NTN1: variants seen among roughly 807,000 people sequenced by gnomAD.
NTN1 encodes netrin 1, also known as netrin-1.
In NTN1, 11 loss-of-function variants were observed where a neutral mutation model predicts 54.2. The ratio of observed to expected loss-of-function variants is 0.20; its 90% CI spans 0.13 to 0.34. NTN1 has a LOEUF of 0.34. Ranked by LOEUF, NTN1 falls within the 10% of genes least tolerant of loss-of-function variation. NTN1 has a pLI of 1.00. For missense variants in NTN1, 740 were observed against 893.1 expected (o/e 0.83, Z 2.18); for synonymous variants, 371 against 382.0 (o/e 0.97, Z 0.33).
intron 2 of NTN1, among the ~76,000 whole-genome samples, chr17:9,040,612 T>A (rs8076457): frequency 1.3e-5 from 2 of 152,004 alleles, no homozygotes; most frequent in Non-Finnish European, 2.9e-5. Context: ...TTGGATAGAA[T>A]GTCAAAGTAA....
At chr17:9,214,594 A>G (rs1905176865) in intron 5 of NTN1, among the ~76,000 whole-genome samples, 3 of 152,198 alleles carry the variant, frequency 2.0e-5, no homozygotes, top group Non-Finnish European at 2.9e-5. Flanking sequence ...AGGCCGAGGC[A>G]GGCGGATCAC....
intron 2 of NTN1, among the ~76,000 whole-genome samples, chr17:9,036,383 C>CTTTTTTTTTTTTT (rs869283987): frequency 9.3e-6 from 1 of 107,220 alleles, no homozygotes; most frequent in Non-Finnish European, 1.8e-5. Flanking sequence ...CGTCTCTTAT[C>CTTTTTTTTTTTTT]TTTTTTTTTT....
chr17:9,178,340 T>G (rs1474245474), intron 3 of NTN1, among the ~76,000 whole-genome samples: 1 of 152,176 alleles, frequency 6.6e-6, no homozygotes, highest in Non-Finnish European at 1.5e-5. Context: ...TCCCACCTGA[T>G]GGGGGCACCC....
chr17:9,031,233 G>A (rs2091887508), intron 2 of NTN1, among the ~76,000 whole-genome samples: 1 of 151,956 alleles, frequency 6.6e-6, no homozygotes, highest in Admixed American at 6.6e-5. Context: ...GTTTCCTGAG[G>A]GCCTGTATGC....
intron 5 of NTN1, among the ~76,000 whole-genome samples, chr17:9,210,905 G>GAAAAA (rs58541910): frequency 4.3e-5 from 1 of 23,494 alleles, no homozygotes. Context: ...GACTCCATCT[G>GAAAAA]AAAAAAAAAA....
At chr17:9,229,661 C>A (rs1905739485) in intron 6 of NTN1, among the ~76,000 whole-genome samples, 1 of 151,474 alleles carries the variant, frequency 6.6e-6, no homozygotes, top group African/African-American at 2.4e-5. Context: ...GGAGCGGGCA[C>A]CGTGGTGCTG....
intron 2 of NTN1, among the ~76,000 whole-genome samples, chr17:9,134,374 C>A (rs569903193): frequency 1.3e-5 from 2 of 152,282 alleles, no homozygotes; most frequent in African/African-American, 2.4e-5. Context: ...TCTCTCCCCC[C>A]AGAGCACTCC....
intron 5 of NTN1, among the ~76,000 whole-genome samples, chr17:9,213,242 C>T (rs781206896): frequency 1.3e-5 from 2 of 152,230 alleles, no homozygotes; most frequent in Admixed American, 6.5e-5. Context: ...AGAGCACGTC[C>T]GAGTAGGGGG....
At chr17:9,215,954 A>G (rs1026648558) in intron 5 of NTN1, among the ~76,000 whole-genome samples, 7 of 152,174 alleles carry the variant, frequency 4.6e-5, no homozygotes, top group Non-Finnish European at 1.0e-4. Context: ...TGCTGCTTTC[A>G]AAGTGGATTA....
chr17:9,088,451 C>A (rs2092096850), intron 2 of NTN1, among the ~76,000 whole-genome samples: 3 of 152,218 alleles, frequency 2.0e-5, no homozygotes, highest in South Asian at 2.1e-4. Context: ...AAGGGATTGG[C>A]CTTAGGTGTC....
intron 2 of NTN1, among the ~76,000 whole-genome samples, chr17:9,155,639 C>T (rs529772206): frequency 8.9e-4 from 135 of 151,252 alleles, no homozygotes; most frequent in Middle Eastern, 3.6e-3. Flanking sequence ...CTGCGCCTGG[C>T]GCTCCTGGAG....
intron 5 of NTN1, among the ~76,000 whole-genome samples, chr17:9,200,454 C>T (rs1336724908): frequency 6.6e-6 from 1 of 152,216 alleles, no homozygotes; most frequent in Non-Finnish European, 1.5e-5. Context: ...AGCGGATTAG[C>T]AGCCGCAGAC....
intron 2 of NTN1, among the ~76,000 whole-genome samples, chr17:9,058,266 G>A (rs1344993951): frequency 6.6e-6 from 1 of 152,192 alleles, no homozygotes; most frequent in Non-Finnish European, 1.5e-5. Flanking sequence ...CTGTTGTGGT[G>A]AATTCTGAGA....
chr17:9,050,091 A>G (rs1456017348), intron 2 of NTN1, among the ~76,000 whole-genome samples: 1 of 151,898 alleles, frequency 6.6e-6, no homozygotes, highest in Non-Finnish European at 1.5e-5. Context: ...CTAAAAATAC[A>G]AACAAATTAG....
chr17:9,087,206 A>G (rs1286442979), intron 2 of NTN1, among the ~76,000 whole-genome samples: 1 of 152,078 alleles, frequency 6.6e-6, no homozygotes, highest in African/African-American at 2.4e-5. Context: ...CCCTAGAAGG[A>G]TGAGTGGGAG....
rs144460277 is a variant in NTN1 at position 9,172,427 on chromosome 17, C to T, written c.1208-7380C>T. 1.1e-3 allele frequency among the ~76,000 whole-genome samples: 161 copies of T among 151,992 alleles called. 4 individuals are homozygous for T. The East Asian group carries it at 0.03, about 28-fold the overall frequency. On this transcript the variant is annotated intron_variant, in intron 3 of 6. Transcript: ENST00000173229. Reference sequence around the variant, plus strand: ...CCGGGAGGCGGAGCTTGCAGTGAGCCGAGATCACACCACTGCACTCCAGCC... The same window carrying T: ...CCGGGAGGCGGAGCTTGCAGTGAGCTGAGATCACACCACTGCACTCCAGCC...
intron 2 of NTN1, among the ~76,000 whole-genome samples, chr17:9,107,757 A>G (rs1191230798): frequency 6.6e-6 from 1 of 152,264 alleles, no homozygotes; most frequent in Non-Finnish European, 1.5e-5. Flanking sequence ...GTACTGTTAT[A>G]GCTGCTTTCG....
At chr17:9,091,454 C>CTTTT (rs56181757) in intron 2 of NTN1, among the ~76,000 whole-genome samples, 35 of 135,364 alleles carry the variant, frequency 2.6e-4, no homozygotes, top group Non-Finnish European at 4.4e-4. Context: ...AACCCCCCGC[C>CTTTT]TTTTTTTTTT....
Position 9,194,139 on chromosome 17 carries a change from G to A in NTN1, c.1411+11170G>A, listed in dbSNP as rs1904558516. ...TAATCCTAGCTACTTGGGAGGCTGA[G>A]GCAGGAGAATCGCTTGAACCCAGGA... On this transcript the variant is annotated intron_variant, in intron 5 of 6. Transcript: ENST00000173229. 2.0e-5 allele frequency among the ~76,000 whole-genome samples: 3 copies of A among 151,950 alleles called. No homozygotes were observed. In the South Asian group the frequency reaches 6.3e-4, roughly 32 times the overall value.
Sources: gnomAD v4.1 joint callset for allele counts (sites outside exome capture counted in the v4.1 genomes callset) on GRCh38, gnomAD v4.1.1 for gene constraint, MANE v1.5 for transcripts, NCBI Gene and HGNC (gene_info 2026-07-23, HGNC 2026-07-21) for gene names.